Variants in FOCAD observed in about 807,000 individuals in gnomAD.
FOCAD encodes the protein focadhesin, also known as KIAA1797.
In FOCAD, 198 loss-of-function variants were observed where a neutral mutation model predicts 225.6. The observed-to-expected ratio is 0.88, with a 90% CI of 0.78 to 0.99. FOCAD has a LOEUF of 0.99. Ranked by LOEUF, FOCAD falls within the 50% of genes least tolerant of loss-of-function variation. The pLI is 0.00. For missense variants in FOCAD, 2,713 were observed against 2,123.6 expected, an observed-to-expected ratio of 1.28 and a Z score of -5.46; for synonymous variants, 897 against 755.0, an observed-to-expected ratio of 1.19 and a Z score of -3.08.
At chr9:20,966,874 A>G (rs1439806078) in intron 35 of FOCAD, among the ~76,000 whole-genome samples, 4 of 152,102 alleles carry the variant, frequency 2.6e-5, no homozygotes, top group African/African-American at 4.8e-5. Flanking sequence ...AAACCTATGC[A>G]CTGGTCTATA....
At chr9:20,841,096 T>A (rs1024875878) in intron 15 of FOCAD, among the ~76,000 whole-genome samples, 9 of 152,066 alleles carry the variant, frequency 5.9e-5, no homozygotes, top group Non-Finnish European at 8.8e-5. Context: ...ATGATCTTTT[T>A]AATATGTTGT....
intron 11 of FOCAD, among the ~76,000 whole-genome samples, chr9:20,799,494 A>G (rs868402596): frequency 3.3e-5 from 5 of 152,062 alleles, no homozygotes; most frequent in South Asian, 4.2e-4. Flanking sequence ...GTCTCTTTCT[A>G]GGTCTCTAAG....
In FOCAD at chr9:20,797,669, C is replaced by G. The variant is rs1362913913; in HGVS notation, c.1455+8061C>G. ...GATTTTTGCATTGATTTTGCAAAAT[C>G]ATTGCAAAATCAAAATGCATTGATT... On this transcript the variant is annotated intron_variant, in intron 11 of 43. Transcript: ENST00000338382. Among the ~76,000 whole-genome samples, 2 of 152,034 alleles carry G rather than the reference C, an allele frequency of 1.3e-5. 1 individual carries two copies. The highest frequency in any genetic ancestry group is 1.3e-4 in the Admixed American group (2 of 15,270).
chr9:20,755,024 T>C (rs1383534754), intron 5 of FOCAD, among the ~76,000 whole-genome samples: 2 of 152,226 alleles, frequency 1.3e-5, no homozygotes, highest in African/African-American at 2.4e-5. Flanking sequence ...GTGGCAGTTA[T>C]AATTGATTAT....
intron 10 of FOCAD, among the ~76,000 whole-genome samples, chr9:20,787,648 T>C (rs1423447604): frequency 3.9e-5 from 6 of 152,172 alleles, no homozygotes; most frequent in Admixed American, 1.3e-4. Context: ...CAGTAGAAAA[T>C]TGCATATAAT....
intron 4 of FOCAD, among the ~76,000 whole-genome samples, chr9:20,734,302 G>C (rs1275244620): frequency 6.6e-6 from 1 of 152,122 alleles, no homozygotes; most frequent in African/African-American, 2.4e-5. Context: ...GAGAAAACCA[G>C]GGTAATCTGA....
At chr9:20,817,719 C>T (rs943208117) in intron 11 of FOCAD, among the ~76,000 whole-genome samples, 5 of 151,642 alleles carry the variant, frequency 3.3e-5, no homozygotes, top group Non-Finnish European at 4.4e-5. Context: ...TGTATCAGTA[C>T]TTTATTTATT....
In FOCAD at chr9:20,789,461, T is replaced by G. The variant is rs1820292963; in HGVS notation, c.1308T>G (p.Ala436=). The change falls in exon 11 of 44, where the codon GCT becomes GCG. Residue 436 remains alanine (A), a synonymous_variant. Transcript: ENST00000338382. ...CGTCTGCTGCAAGTGACTGGTTGGC[T>G]TCAGTAGAGTCATTGCTTCCTATTA... ...TDSSAASDWL[A]SVESLLPITA... is the part of the protein sequence containing the mutation. 11 of 1,614,068 alleles carry G rather than the reference T, an allele frequency of 6.8e-6. No individual in the cohort carries two copies. Among genetic ancestry groups the G allele is most frequent in the Non-Finnish European group, 9.3e-6 (11 of 1,179,990 alleles).
intron 28 of FOCAD, among the ~76,000 whole-genome samples, chr9:20,936,272 A>T (rs553589134): frequency 6.6e-6 from 1 of 152,224 alleles, no homozygotes; most frequent in Non-Finnish European, 1.5e-5. Context: ...CAGTGTTTAC[A>T]TTTCTGGCCT....
At chr9:20,981,143 C>A (rs970293665) in intron 37 of FOCAD, among the ~76,000 whole-genome samples, 5 of 152,094 alleles carry the variant, frequency 3.3e-5, no homozygotes, top group Non-Finnish European at 7.4e-5. Flanking sequence ...GTCACTGAAA[C>A]CTTGAAAACA....
chr9:20,937,632 G>A (rs1587665708), intron 28 of FOCAD, among the ~76,000 whole-genome samples: 2 of 152,130 alleles, frequency 1.3e-5, no homozygotes, highest in African/African-American at 4.8e-5. Context: ...AACCCTAGAC[G>A]AAAACCTAGA....
At chr9:20,837,510 A>C (rs1221989324) in intron 15 of FOCAD, among the ~76,000 whole-genome samples, 1 of 152,074 alleles carries the variant, frequency 6.6e-6, no homozygotes, top group African/African-American at 2.4e-5. Context: ...CCAGTGAATA[A>C]AATATACTGG....
chr9:20,795,855 T>G (rs1346602421), intron 11 of FOCAD, among the ~76,000 whole-genome samples: 1 of 151,586 alleles, frequency 6.6e-6, no homozygotes, highest in African/African-American at 2.4e-5. Flanking sequence ...TGTTATACTT[T>G]AAGTTTTAGG....
chr9:20,800,261 C>T (rs1463447028), intron 11 of FOCAD, among the ~76,000 whole-genome samples: 3 of 152,144 alleles, frequency 2.0e-5, no homozygotes. Flanking sequence ...CCCGACCTTT[C>T]TCTCTGGCTT....
intron 2 of FOCAD, among the ~76,000 whole-genome samples, chr9:20,662,783 A>G (rs1821771413): frequency 6.6e-6 from 1 of 152,142 alleles, no homozygotes; most frequent in Non-Finnish European, 1.5e-5. Context: ...CTTGCAACCC[A>G]AACTTTGGCT....
chr9:20,728,126 G>A lies in FOCAD; in HGVS notation c.287+7592G>A, dbSNP rs543461268. On this transcript the variant is annotated intron_variant, in intron 4 of 43. Transcript: ENST00000338382. ...TTTTCTAGTTAGTGTAGTTGGTAGA[G>A]CTTGACTAAAAATTAAAAAAAAATT... Among the ~76,000 whole-genome samples the A allele has an allele frequency of 3.9e-5, 6 of 152,202 alleles. No individual in the cohort carries two copies. In the East Asian group the frequency reaches 9.6e-4, roughly 24 times the overall value.
chr9:20,674,268 GTTAT>G (rs1822161964), intron 2 of FOCAD, among the ~76,000 whole-genome samples: 1 of 151,898 alleles, frequency 6.6e-6, no homozygotes, highest in Non-Finnish European at 1.5e-5. Flanking sequence ...TGCTATTGAG[GTTAT>G]TTATGCTATT....
chr9:20,672,168 A>T (rs999873366), intron 2 of FOCAD, among the ~76,000 whole-genome samples: 5 of 152,196 alleles, frequency 3.3e-5, no homozygotes, highest in African/African-American at 1.2e-4. Context: ...AGACTGTTCC[A>T]AAGGTCCTGC....
intron 1 of FOCAD, among the ~76,000 whole-genome samples, chr9:20,693,414 TA>T (rs1452864197): frequency 2.0e-5 from 3 of 152,226 alleles, no homozygotes; most frequent in African/African-American, 7.2e-5. Context: ...GGTTTACTTT[TA>T]TCCATAGCAC....
Sources: allele counts gnomAD v4.1 joint callset (sites outside exome capture counted in the v4.1 genomes callset), GRCh38; gene constraint gnomAD v4.1.1; transcripts MANE v1.5; gene names NCBI Gene and HGNC (gene_info 2026-07-23, HGNC 2026-07-21).